The following POU6F2 variants were observed in gnomAD, a reference collection of about 807,000 sequenced individuals.
POU6F2 encodes the protein POU class 6 homeobox 2, also known as POU domain, class 6, transcription factor 2.
A neutral mutation model predicts 71.3 loss-of-function variants in POU6F2; 31 were observed. That is an observed-to-expected ratio of 0.43 (90% confidence interval 0.33 to 0.59). The LOEUF (loss-of-function observed/expected upper bound fraction) is 0.59. Among genes scored for constraint, POU6F2 ranks in the 20% least tolerant of loss-of-function variants. POU6F2 has a pLI of 0.04. For synonymous variants in POU6F2, 347 were observed against 355.7 expected, an observed-to-expected ratio of 0.98 and a Z score of 0.27; for missense variants, 783 against 856.8, an observed-to-expected ratio of 0.91 and a Z score of 1.07.
intron 2 of POU6F2, among the ~76,000 whole-genome samples, chr7:39,178,328 C>T (rs1396186709): frequency 4.6e-5 from 7 of 152,244 alleles, no homozygotes; most frequent in African/African-American, 1.7e-4. Flanking sequence ...TCAATCTTCC[C>T]TGAATATCCC....
At chr7:39,208,566 A>C (rs973697264) in intron 4 of POU6F2, among the ~76,000 whole-genome samples, 4 of 152,214 alleles carry the variant, frequency 2.6e-5, no homozygotes, top group African/African-American at 9.7e-5. Flanking sequence ...CAAGACTAAG[A>C]AACAGACCAA....
At chr7:39,363,153 G>A (rs955187683) in intron 5 of POU6F2, among the ~76,000 whole-genome samples, 1 of 152,174 alleles carries the variant, frequency 6.6e-6, no homozygotes, top group Admixed American at 6.5e-5. Context: ...ATCATGGTTT[G>A]TACCATGTTG....
At chr7:39,169,277 A>T (rs910911230) in intron 2 of POU6F2, among the ~76,000 whole-genome samples, 2 of 152,248 alleles carry the variant, frequency 1.3e-5, no homozygotes, top group Non-Finnish European at 2.9e-5. Context: ...TCTTTTAAAA[A>T]GTTGACTTGA....
rs368724710 is a variant in POU6F2, at chr7:39,405,613, G to A, written c.973-987G>A. Among the ~76,000 whole-genome samples, 11 of 152,330 alleles carry A rather than the reference G, an allele frequency of 7.2e-5. No homozygotes were observed. The East Asian group carries it at 1.3e-3, about 19-fold the overall frequency. On this transcript the variant is annotated intron_variant, in intron 5 of 9. Coordinates refer to ENST00000518318, the MANE Select transcript of POU6F2 (RefSeq NM_001370959.1). ...TAGAATAAATACAAATGAAATTCAT[G>A]TATCAAAACCAATACTGTGAAAATA...
chr7:39,184,317 CAA>C (rs902651300), intron 2 of POU6F2, among the ~76,000 whole-genome samples: 9 of 152,086 alleles, frequency 5.9e-5, no homozygotes, highest in Admixed American at 5.9e-4. Context: ...AAAATAACCA[CAA>C]AAAATATCAA....
chr7:39,346,256 C>T (rs760397300), intron 5 of POU6F2, among the ~76,000 whole-genome samples: 49 of 152,124 alleles, frequency 3.2e-4, no homozygotes, highest in Admixed American at 7.9e-4. Context: ...GCTTCTTTGT[C>T]GTTGTCTAGA....
intron 4 of POU6F2, among the ~76,000 whole-genome samples, chr7:39,237,033 G>T (rs1794687312): frequency 6.6e-6 from 1 of 152,170 alleles, no homozygotes; most frequent in African/African-American, 2.4e-5. Flanking sequence ...AATCCCAGCA[G>T]TGTCTCAGGG....
chr7:39,109,182 A>G (rs1363447315), intron 2 of POU6F2, among the ~76,000 whole-genome samples: 2 of 152,044 alleles, frequency 1.3e-5, no homozygotes, highest in African/African-American at 4.8e-5. Context: ...AGTAGCTGGG[A>G]CTACAGACAT....
chr7:39,390,261 T>C (rs1263005226), intron 5 of POU6F2, among the ~76,000 whole-genome samples: 3 of 152,160 alleles, frequency 2.0e-5, no homozygotes, highest in African/African-American at 7.2e-5. Context: ...CTGGGCATGG[T>C]GGTGTGTGCC....
chr7:39,178,896 C>T (rs780804131), intron 2 of POU6F2, among the ~76,000 whole-genome samples: 1 of 152,162 alleles, frequency 6.6e-6, no homozygotes, highest in Non-Finnish European at 1.5e-5. Flanking sequence ...GCAAGCTGAT[C>T]AAGTGTTTGT....
chr7:39,224,714 A>G (rs766175561), intron 4 of POU6F2, among the ~76,000 whole-genome samples: 1 of 152,160 alleles, frequency 6.6e-6, no homozygotes, highest in African/African-American at 2.4e-5. Flanking sequence ...AAGAAAAACA[A>G]TTACCCCACA....
chr7:39,462,726 C>T (rs950483893), intron 9 of POU6F2, among the ~76,000 whole-genome samples: 4 of 152,176 alleles, frequency 2.6e-5, no homozygotes, highest in Non-Finnish European at 5.9e-5. Context: ...TCAGTTCACT[C>T]TGTATTGAAA....
At chr7:39,074,623 G>T (rs560570431) in intron 1 of POU6F2, among the ~76,000 whole-genome samples, 1 of 152,234 alleles carries the variant, frequency 6.6e-6, no homozygotes, top group South Asian at 2.1e-4. Context: ...CCTAATATTT[G>T]AAGTGTGTGG....
At chr7:39,250,106 C>T (rs1475701111) in intron 4 of POU6F2, among the ~76,000 whole-genome samples, 5 of 152,156 alleles carry the variant, frequency 3.3e-5, no homozygotes, top group African/African-American at 4.8e-5. Flanking sequence ...TGGCAGCCCG[C>T]GTGCAATTTT....
chr7:39,263,654 C>T (rs1247905460), intron 4 of POU6F2, among the ~76,000 whole-genome samples: 6 of 129,990 alleles, frequency 4.6e-5, no homozygotes, highest in Non-Finnish European at 1.0e-4. Context: ...TGTGTGCATG[C>T]GTGTTCACGC....
At chr7:39,357,855 C>T (rs574900055) in intron 5 of POU6F2, among the ~76,000 whole-genome samples, 1 of 152,302 alleles carries the variant, frequency 6.6e-6, no homozygotes, top group African/African-American at 2.4e-5. Context: ...CTTCAGAGTA[C>T]GAATTGCTCT....
chr7:39,098,572 C>T (rs868513567), intron 2 of POU6F2, among the ~76,000 whole-genome samples: 3 of 152,146 alleles, frequency 2.0e-5, no homozygotes, highest in Admixed American at 6.5e-5. Context: ...TGAGCCACTG[C>T]ACCTGGCCAT....
chr7:39,321,954 T>G (rs1785404831), intron 4 of POU6F2, among the ~76,000 whole-genome samples: 1 of 143,740 alleles, frequency 7.0e-6, no homozygotes, highest in Non-Finnish European at 1.5e-5. Flanking sequence ...ATTACATGAG[T>G]CCAGACAAAC....
chr7:39,325,193 A>G (rs1393947463), intron 4 of POU6F2, among the ~76,000 whole-genome samples: 2 of 152,204 alleles, frequency 1.3e-5, no homozygotes, highest in Non-Finnish European at 2.9e-5. Context: ...TTTTAATCCT[A>G]TATCTCAAAA....
Sources: gnomAD v4.1 joint callset for allele counts (sites outside exome capture counted in the v4.1 genomes callset) on GRCh38, gnomAD v4.1.1 for gene constraint, MANE v1.5 for transcripts, NCBI Gene and HGNC (gene_info 2026-07-23, HGNC 2026-07-21) for gene names.